ELSPBP1: variants seen among roughly 807,000 people sequenced by gnomAD.
ELSPBP1 encodes epididymal sperm binding protein 1, also known as epididymal sperm-binding protein 1.
Under a neutral mutation model 33.3 loss-of-function variants are expected in ELSPBP1, and 38 were observed. The ratio of observed to expected loss-of-function variants is 1.14; its 90% confidence interval spans 0.88 to 1.50. ELSPBP1 has a LOEUF of 1.50. Among genes scored for constraint, ELSPBP1 ranks in the 40% most tolerant of loss-of-function variants. ELSPBP1 has a pLI of 0.00. For synonymous variants in ELSPBP1, 85 were observed against 94.1 expected (o/e 0.90, Z 0.56); for missense variants, 267 against 263.5 (o/e 1.01, Z -0.09).
chr19:47,997,447 G>T (rs1216477021), intron 1 of ELSPBP1, among the ~76,000 whole-genome samples: 2 of 152,026 alleles, frequency 1.3e-5, no homozygotes, highest in Non-Finnish European at 2.9e-5. Flanking sequence ...CATCTATAAT[G>T]TATACAGGCA....
rs1967070511 is a variant in ELSPBP1, at chr19:48,011,056, G to A, written c.70+2319G>A. Among the ~76,000 whole-genome samples the A allele has an allele frequency of 9.5e-6, 1 of 105,520 alleles. No individual in the cohort carries two copies. Among genetic ancestry groups the A allele is most frequent in the African/African-American group, 3.9e-5 (1 of 25,974 alleles). The allele number at this position is 105,520 out of a possible 152,430, so 69.2% of individuals were successfully genotyped here. ...ATGATGAGGATGATGATGATATGAC[G>A]ATGATGACAATGATGACGGTAATGA... On this transcript the variant is annotated intron_variant, in intron 2 of 6. Coordinates refer to ENST00000339841, the MANE Select transcript of ELSPBP1 (RefSeq NM_022142.5). This position sits in a 1 kb window ranked among gnomAD's most constrained non-coding sequence, Gnocchi z 4.5.
chr19:48,016,041 T>A lies in ELSPBP1; in HGVS notation c.355+2T>A. The A allele has an allele frequency of 6.2e-7, 1 of 1,612,846 alleles. No individual in the cohort carries two copies. The highest frequency in any genetic ancestry group is 1.1e-5 in the South Asian group (1 of 90,974). On this transcript the variant is annotated splice_donor_variant, in intron 4 of 6. Transcript: ENST00000339841. LOFTEE classifies it high-confidence loss of function. ...AGTGGAAATTCTGTGAAACGAATGG[T>A]GAGCCCCTGTAGCAGGGATGGGATG...
chr19:48,023,481 G>GGGAATGGAGGAGGGAA (rs1967230494), intron 6 of ELSPBP1, among the ~76,000 whole-genome samples: 1 of 43,780 alleles, frequency 2.3e-5, no homozygotes. Flanking sequence ...GAAGGGAGGA[G>GGGAATGGAGGAGGGAA]GGAAGGGAGG....
rs34961390 is a variant in ELSPBP1, at chr19:48,003,539, CTTT to C, written c.-17-5097_-17-5095del. On this transcript the variant is annotated intron_variant, in intron 1 of 6. Coordinates refer to ENST00000339841, the MANE Select transcript of ELSPBP1 (RefSeq NM_022142.5). Reference sequence around the variant, plus strand: ...TGAATGAATAAATGCCACCCCTGCTCTTTTTTTTTTTTTTTTTGATGGAGTCTT... The same window carrying C: ...TGAATGAATAAATGCCACCCCTGCTCTTTTTTTTTTTTTTGATGGAGTCTT... Among the ~76,000 whole-genome samples, 14 of 138,874 alleles carry C rather than the reference CTTT, an allele frequency of 1.0e-4. 1 individual carries two copies. The highest frequency in any genetic ancestry group is 7.8e-5 in the Non-Finnish European group (5 of 64,394). The allele number at this position is 138,874 out of a possible 152,430, so 91.1% of individuals were successfully genotyped here.
At position 48,024,396 on chromosome 19, in the gene ELSPBP1, C is replaced by G. The variant is rs577883912; in HGVS notation, c.*8-556C>G. ...TGGAATCTAAATAAAAAAAGAGAAG[C>G]CCTTTCATCAGATGTGTAGACAAAA... is the stretch of plus-strand genomic sequence containing the variant. On this transcript the variant is annotated intron_variant, in intron 6 of 6. Transcript: ENST00000339841. 4.6e-5 allele frequency among the ~76,000 whole-genome samples: 7 copies of G among 152,232 alleles called. No individual in the cohort carries two copies. In the South Asian group the frequency reaches 1.4e-3, roughly 32 times the overall value.
chr19:47,996,551 T>C (rs1966913987), intron 1 of ELSPBP1, among the ~76,000 whole-genome samples: 2 of 151,612 alleles, frequency 1.3e-5, no homozygotes, highest in African/African-American at 2.4e-5. Context: ...GGTGGATGAA[T>C]TGATGGATGG....
intron 4 of ELSPBP1, among the ~76,000 whole-genome samples, chr19:48,018,866 G>A (rs1213345509): frequency 6.6e-6 from 1 of 152,116 alleles, no homozygotes; most frequent in Non-Finnish European, 1.5e-5. Context: ...TCTTAATAAC[G>A]TCTTGGGCTG....
At position 48,011,691 on chromosome 19, in the gene ELSPBP1, G is replaced by A. The variant is rs1967081600; in HGVS notation, c.71-2480G>A. Among the ~76,000 whole-genome samples the A allele has an allele frequency of 6.6e-6, 1 of 151,856 alleles. No homozygotes were observed. Among genetic ancestry groups the A allele is most frequent in the Non-Finnish European group, 1.5e-5 (1 of 67,984 alleles). On this transcript the variant is annotated intron_variant, in intron 2 of 6. Coordinates refer to ENST00000339841, the MANE Select transcript of ELSPBP1 (RefSeq NM_022142.5). This position sits in a 1 kb window ranked among gnomAD's most constrained non-coding sequence, Gnocchi z 4.5. ...GAGACTGATGATGGTGACAATGACT[G>A]ATGATGATGATCATGACAATGATGA...
intron 1 of ELSPBP1, among the ~76,000 whole-genome samples, chr19:47,996,074 A>G (rs144252185): frequency 2.0e-3 from 307 of 152,330 alleles, no homozygotes; most frequent in African/African-American, 6.9e-3. Flanking sequence ...GACAGCTATC[A>G]TATCTGGTTC....
chr19:48,000,447 G>A (rs888782813), intron 1 of ELSPBP1, among the ~76,000 whole-genome samples: 1 of 151,062 alleles, frequency 6.6e-6, no homozygotes, highest in Non-Finnish European at 1.5e-5. Flanking sequence ...CACTATGTTG[G>A]TCAAGCTGGT....
chr19:47,995,866 G>C (rs1966907307), intron 1 of ELSPBP1, among the ~76,000 whole-genome samples: 1 of 152,190 alleles, frequency 6.6e-6, no homozygotes, highest in Non-Finnish European at 1.5e-5. Flanking sequence ...TTGAACCCTG[G>C]TTGGTTGGGT....
intron 5 of ELSPBP1, 54 bp downstream of exon 5, chr19:48,019,931 C>T: frequency 1.3e-6 from 2 of 1,571,864 alleles, no homozygotes; most frequent in Non-Finnish European, 1.7e-6. Flanking sequence ...CTTTCATTTG[C>T]TCAACAAACA....
chr19:48,014,101 A>G, intron 2 of ELSPBP1, 70 bp from the exon 3 acceptor site: 3 of 1,562,356 alleles, frequency 1.9e-6, no homozygotes, highest in Non-Finnish European at 2.6e-6. Context: ...GCAAGAGCCA[A>G]ACCAAGACTC....
intron 6 of ELSPBP1, among the ~76,000 whole-genome samples, chr19:48,023,292 G>A (rs995037212): frequency 1.6e-5 from 2 of 127,084 alleles, no homozygotes. Context: ...AGGGAGGAAA[G>A]GAAGGAAGGA....
rs2122314552 is a variant in ELSPBP1 at position 48,011,895 on chromosome 19, A to T, written c.71-2276A>T. On this transcript the variant is annotated intron_variant, in intron 2 of 6. Coordinates refer to ENST00000339841, the MANE Select transcript of ELSPBP1 (RefSeq NM_022142.5). This position sits in a 1 kb window ranked among gnomAD's most constrained non-coding sequence, Gnocchi z 4.5. ...AACTGGTTTAAGTTTCACAAAAATA[A>T]ATACCAAACAGTTCTGAGAAACAAG... Among the ~76,000 whole-genome samples, 1 of 150,396 alleles carries T rather than the reference A, an allele frequency of 6.6e-6. No individual in the cohort carries two copies. Among genetic ancestry groups the T allele is most frequent in the Non-Finnish European group, 1.5e-5 (1 of 67,628 alleles).
At chr19:48,016,467 TCTTTCTTTCTTTCTTTCTTTC>T (rs1967136697) in intron 4 of ELSPBP1, among the ~76,000 whole-genome samples, 1 of 38,138 alleles carries the variant, frequency 2.6e-5, no homozygotes, top group Non-Finnish European at 4.2e-5. Context: ...TTTCTTTCCT[TCTTTCTTTCTTTCTTTCTTTC>T]TTTCTTTCTT....
At chr19:48,017,472 T>C (rs1318597258) in intron 4 of ELSPBP1, among the ~76,000 whole-genome samples, 1 of 152,222 alleles carries the variant, frequency 6.6e-6, no homozygotes, top group Non-Finnish European at 1.5e-5. Context: ...TAACTCTAAA[T>C]TGTATCATTA....
At chr19:48,013,133 CA>C (rs1215579797) in intron 2 of ELSPBP1, among the ~76,000 whole-genome samples, 2 of 152,164 alleles carry the variant, frequency 1.3e-5, no homozygotes, top group African/African-American at 2.4e-5. Flanking sequence ...GTCTATATTT[CA>C]AAATTATTTA....
At position 48,019,894 on chromosome 19, in the gene ELSPBP1, G is replaced by A. The variant is rs2122333407; in HGVS notation, c.514+17G>A. 6.2e-7 allele frequency: 1 copy of A among 1,610,348 alleles called. No individual in the cohort carries two copies. Among genetic ancestry groups the A allele is most frequent in the Non-Finnish European group, 8.5e-7 (1 of 1,177,946 alleles). ...CCGACACCAGTAATCTGGGGATGGG[G>A]GTTGGGTGGGTGTGGGTGGAGTCTT... On this transcript the variant is annotated intron_variant, in intron 5 of 6. Coordinates refer to ENST00000339841, the MANE Select transcript of ELSPBP1 (RefSeq NM_022142.5).
Sources: allele counts gnomAD v4.1 joint callset (sites outside exome capture counted in the v4.1 genomes callset), GRCh38; gene constraint gnomAD v4.1.1; non-coding constraint Gnocchi (gnomAD v3.1); transcripts MANE v1.5; gene names NCBI Gene and HGNC (gene_info 2026-07-23, HGNC 2026-07-21).